TMC1: variants seen among roughly 807,000 people sequenced by gnomAD.
The protein encoded by TMC1 is transmembrane channel-like protein 1.
TMC1 carries 84 observed loss-of-function variants against 105.8 expected under a neutral mutation model. That is an observed-to-expected ratio of 0.79 (90% CI 0.67 to 0.95). The LOEUF is 0.95. Ranked by LOEUF, TMC1 falls within the 40% of genes least tolerant of loss-of-function variation. The probability of loss-of-function intolerance (pLI) is 0.00; values close to 1 mark genes in which losing one functional copy is unlikely to be tolerated. For missense variants in TMC1, 817 were observed against 914.1 expected (o/e 0.89, Z 1.37); for synonymous variants, 315 against 311.5 (o/e 1.01, Z -0.12).
At chr9:72,806,200 G>A (rs1252182752) in intron 18 of TMC1, among the ~76,000 whole-genome samples, 38 of 132,622 alleles carry the variant, frequency 2.9e-4, no homozygotes, top group Non-Finnish European at 5.9e-4. Flanking sequence ...CCTCCCGGAC[G>A]GGGCGGCTGG....
chr9:72,577,155 C>A (rs1483118047), intron 1 of TMC1, among the ~76,000 whole-genome samples: 1 of 152,202 alleles, frequency 6.6e-6, no homozygotes, highest in Admixed American at 6.5e-5. Context: ...CTCCAAAATT[C>A]TTTTCTTAAT....
intron 8 of TMC1, among the ~76,000 whole-genome samples, chr9:72,720,909 C>A (rs1335766229): frequency 6.6e-6 from 1 of 152,184 alleles, no homozygotes; most frequent in East Asian, 1.9e-4. Flanking sequence ...ACACATCAAA[C>A]ATGCCTATGC....
chr9:72,619,922 C>CCTCCTGGGTTCAAGTGATT (rs1490605609), intron 3 of TMC1, among the ~76,000 whole-genome samples: 2 of 151,588 alleles, frequency 1.3e-5, no homozygotes, highest in African/African-American at 4.9e-5. Flanking sequence ...GCAACCTCCA[C>CCTCCTGGGTTCAAGTGATT]CTCCTGGGTT....
rs552904384 is a variant in TMC1 at position 72,805,688 on chromosome 9, G to T, written c.1695+178G>T. ...CTGGTTTTCCTAGGCAGAGGACCCT[G>T]CGGCCTTCCGCAGTGTTTGTGTCCC... On this transcript the variant is annotated intron_variant, in intron 18 of 23. Transcript: ENST00000297784. Among the ~76,000 whole-genome samples the T allele has an allele frequency of 6.3e-4, 96 of 151,834 alleles. 1 individual carries two copies. Among genetic ancestry groups the T allele is most frequent in the Middle Eastern group, 3.4e-3 (1 of 294 alleles).
intron 19 of TMC1, among the ~76,000 whole-genome samples, chr9:72,818,494 G>A (rs1177842138): frequency 1.3e-5 from 2 of 152,198 alleles, no homozygotes; most frequent in Admixed American, 6.5e-5. Context: ...CACAGTGAGA[G>A]AGAAAATGAG....
At chr9:72,603,729 T>A (rs1452552867) in intron 2 of TMC1, among the ~76,000 whole-genome samples, 3 of 152,020 alleles carry the variant, frequency 2.0e-5, no homozygotes, top group Admixed American at 1.3e-4. Context: ...TTTGTATTTT[T>A]AGTAGAGACG....
At chr9:72,692,914 T>A (rs923655736) in intron 6 of TMC1, among the ~76,000 whole-genome samples, 1 of 151,858 alleles carries the variant, frequency 6.6e-6, no homozygotes, top group African/African-American at 2.4e-5. Flanking sequence ...AGGCCAGGAG[T>A]TCACGACCAG....
Position 72,792,357 on chromosome 9 carries a change from T to C in TMC1, c.1566+5T>C. The C allele has an allele frequency of 6.2e-7, 1 of 1,614,134 alleles. No homozygotes were observed. The highest frequency in any genetic ancestry group is 8.5e-7 in the Non-Finnish European group (1 of 1,180,008). ...TGGGAAACAATGGTGGGACAGGTAA[T>C]GCCACCAACAGAAGTGTATGGCAAT... On this transcript the variant is annotated splice_donor_5th_base_variant and intron_variant, in intron 17 of 23. Coordinates refer to ENST00000297784, the MANE Select transcript of TMC1 (RefSeq NM_138691.3).
intron 8 of TMC1, among the ~76,000 whole-genome samples, chr9:72,733,241 C>T (rs756778864): frequency 8.6e-5 from 13 of 151,742 alleles, no homozygotes; most frequent in African/African-American, 1.7e-4. Context: ...CCCAGGGGCC[C>T]GAGCTCTCTA....
At chr9:72,622,052 C>A (rs770684270) in intron 3 of TMC1, among the ~76,000 whole-genome samples, 1 of 152,102 alleles carries the variant, frequency 6.6e-6, no homozygotes, top group Non-Finnish European at 1.5e-5. Context: ...CCCTGTGGAT[C>A]TTTCTCTTTT....
chr9:72,597,431 T>TA (rs1328709179), intron 2 of TMC1, among the ~76,000 whole-genome samples: 2 of 152,194 alleles, frequency 1.3e-5, no homozygotes, highest in African/African-American at 4.8e-5. Context: ...CCCTTCAGGG[T>TA]ACCTGCTGTT....
At chr9:72,816,276 A>T in intron 19 of TMC1, 66 bp downstream of exon 19, 1 of 1,461,088 alleles carries the variant, frequency 6.8e-7, no homozygotes, top group Non-Finnish European at 9.6e-7. Flanking sequence ...TGCATACAGC[A>T]TTGAATCCTG....
intron 8 of TMC1, among the ~76,000 whole-genome samples, chr9:72,731,868 A>G (rs1827216178): frequency 6.6e-6 from 1 of 152,144 alleles, no homozygotes; most frequent in Non-Finnish European, 1.5e-5. Context: ...GTTCCTTGAT[A>G]CCACTCCATC....
At chr9:72,770,352 C>A (rs1460669301) in intron 12 of TMC1, among the ~76,000 whole-genome samples, 1 of 143,720 alleles carries the variant, frequency 7.0e-6, no homozygotes. Context: ...TTTGATTTAT[C>A]ATTATTATTA....
At chr9:72,731,988 A>G (rs146062872) in intron 8 of TMC1, among the ~76,000 whole-genome samples, 2,579 of 152,324 alleles carry the variant, frequency 0.017, 34 homozygotes, top group Middle Eastern at 0.088. Flanking sequence ...ATGAAATTGT[A>G]AATTCCTTAC....
At chr9:72,615,079 C>A (rs901006357) in intron 2 of TMC1, among the ~76,000 whole-genome samples, 1 of 152,104 alleles carries the variant, frequency 6.6e-6, no homozygotes, top group Non-Finnish European at 1.5e-5. Context: ...AAATATTAAA[C>A]CAAATTTGGC....
At chr9:72,693,448 G>C (rs1189323386) in intron 6 of TMC1, among the ~76,000 whole-genome samples, 1 of 152,168 alleles carries the variant, frequency 6.6e-6, no homozygotes, top group Non-Finnish European at 1.5e-5. Context: ...CCTTTGGAAA[G>C]AGTTCATTTG....
intron 1 of TMC1, among the ~76,000 whole-genome samples, chr9:72,525,969 CAG>C (rs915288783): frequency 2.6e-4 from 38 of 147,808 alleles, no homozygotes; most frequent in African/African-American, 9.1e-4. Flanking sequence ...GCCTGGATGA[CAG>C]AGTGAGACTC....
chr9:72,566,465 G>T (rs1167741531), intron 1 of TMC1, among the ~76,000 whole-genome samples: 2 of 143,304 alleles, frequency 1.4e-5, no homozygotes, highest in South Asian at 5.0e-4. Flanking sequence ...AGTGTACAGG[G>T]TTGGGGTGGG....
Sources: allele counts gnomAD v4.1 joint callset (sites outside exome capture counted in the v4.1 genomes callset), GRCh38; gene constraint gnomAD v4.1.1; transcripts MANE v1.5; gene names NCBI Gene and HGNC (gene_info 2026-07-23, HGNC 2026-07-21).